The following CHSY3 variants were observed in gnomAD, a reference collection of about 807,000 sequenced individuals.
The protein encoded by CHSY3 is N-acetylgalactosaminyl-proteoglycan 3-beta-glucuronosyltransferase 3.
CHSY3 carries 35 observed loss-of-function variants against 67.2 expected under a neutral mutation model. The observed-to-expected ratio is 0.52, with a 90% CI of 0.40 to 0.69. The LOEUF (loss-of-function observed/expected upper bound fraction) is 0.69, where lower values mean the gene tolerates loss of function less well. CHSY3 is among the 30% of genes least tolerant of loss of function. CHSY3 has a pLI of 0.00. For missense variants in CHSY3, 1,069 were observed against 1,138.5 expected, an observed-to-expected ratio of 0.94 and a Z score of 0.88; for synonymous variants, 474 against 434.7, an observed-to-expected ratio of 1.09 and a Z score of -1.12.
At chr5:130,109,030 T>C (rs1767507609) in intron 2 of CHSY3, among the ~76,000 whole-genome samples, 1 of 151,700 alleles carries the variant, frequency 6.6e-6, no homozygotes. Context: ...GAAAGAAGAT[T>C]GCAAATTACT....
At chr5:130,147,539 G>C (rs139179134) in intron 2 of CHSY3, among the ~76,000 whole-genome samples, 149 of 152,250 alleles carry the variant, frequency 9.8e-4, no homozygotes, top group Non-Finnish European at 1.6e-3. Flanking sequence ...CATTTTAACA[G>C]CATATGTGTA....
chr5:130,118,567 A>G (rs991096511), intron 2 of CHSY3, among the ~76,000 whole-genome samples: 1 of 151,986 alleles, frequency 6.6e-6, no homozygotes, highest in Admixed American at 6.6e-5. Context: ...GGTGATTCTC[A>G]TTAACCTTAG....
rs1209000890 is a variant in CHSY3, at chr5:129,904,928, G to A, written c.99G>A (p.Glu33=). ...GGCTCATCGCCCCCAGGGTGGCGGA[G>A]CTGAGCGAGAGGAAGAGACGTGGCT... ...ASWLIAPRVA[E]LSERKRRGSS... The change falls in exon 1 of 3, where the codon GAG becomes GAA. Residue 33 remains glutamate (E), a synonymous_variant. Transcript: ENST00000305031. The A allele has an allele frequency of 6.5e-7, 1 of 1,544,268 alleles. No individual in the cohort carries two copies. Among genetic ancestry groups the A allele is most frequent in the Non-Finnish European group, 8.7e-7 (1 of 1,148,534 alleles).
chr5:130,010,797 C>CA, intron 2 of CHSY3, among the ~76,000 whole-genome samples: 1 of 152,076 alleles, frequency 6.6e-6, no homozygotes, highest in South Asian at 2.1e-4. Context: ...GGGGACATTA[C>CA]CACCAACCCA....
At chr5:130,045,163 T>C (rs1765109447) in intron 2 of CHSY3, among the ~76,000 whole-genome samples, 1 of 151,868 alleles carries the variant, frequency 6.6e-6, no homozygotes, top group Admixed American at 6.6e-5. Flanking sequence ...TCAGTTTGGG[T>C]TTTTAATAGA....
At chr5:130,005,327 A>G (rs997942824) in intron 2 of CHSY3, among the ~76,000 whole-genome samples, 56 of 152,066 alleles carry the variant, frequency 3.7e-4, no homozygotes, top group Non-Finnish European at 7.2e-4. Flanking sequence ...AGGCAGGAGA[A>G]TCGCTTGAAC....
chr5:129,906,755 G>A (rs913704636), intron 1 of CHSY3, among the ~76,000 whole-genome samples: 6 of 152,194 alleles, frequency 3.9e-5, no homozygotes, highest in African/African-American at 1.4e-4. Context: ...TCAAAGGGGG[G>A]CAGCCCTTCC....
intron 2 of CHSY3, among the ~76,000 whole-genome samples, chr5:130,177,902 G>A (rs1433685605): frequency 1.3e-5 from 2 of 151,792 alleles, no homozygotes; most frequent in Admixed American, 6.6e-5. Context: ...TGGATCTCCT[G>A]AACTGTTCCT....
intron 2 of CHSY3, among the ~76,000 whole-genome samples, chr5:129,958,158 A>G (rs1580581125): frequency 6.6e-6 from 1 of 152,112 alleles, no homozygotes; most frequent in East Asian, 1.9e-4. Context: ...CTTGAATATT[A>G]GAGTGTTATT....
intron 2 of CHSY3, among the ~76,000 whole-genome samples, chr5:129,913,303 C>T (rs1424811802): frequency 1.3e-5 from 2 of 152,050 alleles, no homozygotes; most frequent in East Asian, 1.9e-4. Context: ...CTAGATAATG[C>T]ACATATTGCA....
intron 1 of CHSY3, among the ~76,000 whole-genome samples, chr5:129,906,937 T>C (rs935133566): frequency 7.2e-5 from 11 of 152,184 alleles, no homozygotes; most frequent in Non-Finnish European, 1.5e-4. Context: ...GGCTTTGGAT[T>C]GGAAGGAGGG....
chr5:129,929,817 C>G (rs1761238722), intron 2 of CHSY3, among the ~76,000 whole-genome samples: 1 of 151,760 alleles, frequency 6.6e-6, no homozygotes, highest in South Asian at 2.1e-4. Flanking sequence ...GGGTTATTAC[C>G]ACCTTTATTA....
intron 2 of CHSY3, chr5:130,141,055 C>T (rs758564049): frequency 6.9e-6 from 2 of 289,586 alleles, no homozygotes; most frequent in East Asian, 1.3e-4. Flanking sequence ...TTTGTATTTC[C>T]AAGATTTTGT....
chr5:130,162,057 A>AAGAAAGAAAG (rs1554087187), intron 2 of CHSY3, among the ~76,000 whole-genome samples: 243 of 122,964 alleles, frequency 2.0e-3, no homozygotes, highest in African/African-American at 7.1e-3. Context: ...AAAAAAAAAA[A>AAGAAAGAAAG]AAAGAAAGAA....
At chr5:129,918,523 G>A (rs540367219) in intron 2 of CHSY3, among the ~76,000 whole-genome samples, 17 of 152,212 alleles carry the variant, frequency 1.1e-4, no homozygotes, top group Admixed American at 2.6e-4. Context: ...CTATGATGGC[G>A]GAAAGTACAG....
chr5:130,135,215 C>CAA (rs1768621634), intron 2 of CHSY3, among the ~76,000 whole-genome samples: 1 of 151,540 alleles, frequency 6.6e-6, no homozygotes, highest in South Asian at 2.1e-4. Flanking sequence ...TGTATACACA[C>CAA]ACAAACATAT....
intron 2 of CHSY3, among the ~76,000 whole-genome samples, chr5:130,076,597 G>T (rs551896537): frequency 6.6e-6 from 1 of 151,128 alleles, no homozygotes; most frequent in East Asian, 2.0e-4. Context: ...ATTCCTACAT[G>T]CACACTTCAT....
chr5:130,159,946 T>G (rs1769481698), intron 2 of CHSY3, among the ~76,000 whole-genome samples: 1 of 152,200 alleles, frequency 6.6e-6, no homozygotes, highest in South Asian at 2.1e-4. Flanking sequence ...AGCATTTTTT[T>G]TTGAAGAAAA....
At chr5:130,119,735 G>A (rs1767944670) in intron 2 of CHSY3, among the ~76,000 whole-genome samples, 1 of 152,064 alleles carries the variant, frequency 6.6e-6, no homozygotes, top group South Asian at 2.1e-4. Flanking sequence ...GGAAAGACAG[G>A]CTTTTCCCCT....
Sources: allele counts gnomAD v4.1 joint callset (sites outside exome capture counted in the v4.1 genomes callset), GRCh38; gene constraint gnomAD v4.1.1; transcripts MANE v1.5; gene names NCBI Gene and HGNC (gene_info 2026-07-23, HGNC 2026-07-21).